DNAH8: variants seen among roughly 807,000 people sequenced by gnomAD.
The protein encoded by DNAH8 is axonemal beta dynein heavy chain 8.
DNAH8 carries 382 observed loss-of-function variants against 562.1 expected under a neutral mutation model. The observed-to-expected ratio is 0.68, with a 90% CI of 0.63 to 0.74. The LOEUF (loss-of-function observed/expected upper bound fraction) is 0.74. Among genes scored for constraint, DNAH8 ranks in the 30% least tolerant of loss-of-function variants. DNAH8 has a pLI of 0.00. For synonymous variants in DNAH8, 1,881 were observed against 1,919.4 expected, an observed-to-expected ratio of 0.98 and a Z score of 0.52; for missense variants, 5,203 against 5,620.4, an observed-to-expected ratio of 0.93 and a Z score of 2.37.
At position 38,938,017 on chromosome 6, in the gene DNAH8, T is replaced by G; in HGVS notation, c.11607T>G (p.Thr3869=). The change falls in exon 78 of 93, where the codon ACT becomes ACG. Residue 3869 remains threonine, a synonymous_variant. Transcript: ENST00000327475. ...AATCTCTCATTGGTGTACTTCGAAC[T>G]ACCAAGCAGACAGCAGCTGAGGTAA... The part of the protein sequence containing the change: ...DDESLIGVLR[T]TKQTAAEVSE... 1 of 1,614,020 alleles carries G rather than the reference T, an allele frequency of 6.2e-7. No individual in the cohort carries two copies. Among genetic ancestry groups the G allele is most frequent in the Non-Finnish European group, 8.5e-7 (1 of 1,179,998 alleles).
At chr6:38,932,215 C>CACACACACACACACACACAT (rs1199457741) in intron 76 of DNAH8, among the ~76,000 whole-genome samples, 7 of 150,580 alleles carry the variant, frequency 4.6e-5, no homozygotes, top group African/African-American at 1.7e-4. Context: ...CACACACACA[C>CACACACACACACACACACAT]ACCCGTCTCT....
intron 79 of DNAH8, among the ~76,000 whole-genome samples, chr6:38,942,091 T>C (rs1323865172): frequency 6.6e-6 from 1 of 152,106 alleles, no homozygotes; most frequent in Non-Finnish European, 1.5e-5. Context: ...TCACCAGACG[T>C]TGAATTCATC....
At chr6:39,012,423 T>A in intron 90 of DNAH8, 25 bp from the exon 91 acceptor site, 1 of 1,609,064 alleles carries the variant, frequency 6.2e-7, no homozygotes, top group East Asian at 2.2e-5. Flanking sequence ...TTCTTATTCA[T>A]GTGTTTTAAC....
chr6:39,019,709 A>C (rs1766779502), intron 91 of DNAH8, among the ~76,000 whole-genome samples: 2 of 152,232 alleles, frequency 1.3e-5, no homozygotes, highest in African/African-American at 4.8e-5. Context: ...GAAGAAGGTC[A>C]TAAAAAATGA....
intron 76 of DNAH8, among the ~76,000 whole-genome samples, chr6:38,932,216 A>ACACACACACACACCCC (rs375631180): frequency 4.1e-5 from 6 of 145,638 alleles, no homozygotes; most frequent in African/African-American, 1.6e-4. Flanking sequence ...ACACACACAC[A>ACACACACACACACCCC]CCCGTCTCTT....
At chr6:39,002,871 C>G (rs1437943573) in intron 88 of DNAH8, among the ~76,000 whole-genome samples, 1 of 152,138 alleles carries the variant, frequency 6.6e-6, no homozygotes, top group East Asian at 1.9e-4. Flanking sequence ...CTGTATCTGA[C>G]TGAAAGTTCT....
At chr6:38,794,253 G>A (rs2127661890) in intron 21 of DNAH8, among the ~76,000 whole-genome samples, 2 of 152,078 alleles carry the variant, frequency 1.3e-5, no homozygotes, top group Middle Eastern at 3.5e-3. Flanking sequence ...AAGCAAGGGT[G>A]GGGATGGGGT....
intron 4 of DNAH8, among the ~76,000 whole-genome samples, chr6:38,733,917 T>TAAAAAG (rs1763861099): frequency 7.6e-6 from 1 of 131,580 alleles, no homozygotes; most frequent in Non-Finnish European, 1.6e-5. Flanking sequence ...AGACTCCATC[T>TAAAAAG]AAAAAGAAAA....
intron 56 of DNAH8, among the ~76,000 whole-genome samples, chr6:38,886,260 G>GA (rs1340793050): frequency 6.6e-6 from 1 of 151,546 alleles, no homozygotes; most frequent in South Asian, 2.1e-4. Context: ...GATGGACCTG[G>GA]AAAAAAAACA....
rs149041507 is a variant in DNAH8 at position 38,730,651 on chromosome 6, C to T, written c.610+665C>T. Among the ~76,000 whole-genome samples the T allele has an allele frequency of 2.6e-5, 4 of 152,272 alleles. No homozygotes were observed. In the East Asian group the frequency reaches 5.8e-4, roughly 22 times the overall value. The stretch of plus-strand genomic sequence containing the variant: ...GTAATCAGATTCTCCCTCTGAAATT[C>T]GTACTGTGTATTCCTGCCAAGTATA... On this transcript the variant is annotated intron_variant, in intron 4 of 92. Transcript: ENST00000327475.
In DNAH8 at chr6:38,875,610, G is replaced by T; in HGVS notation, c.7640G>T (p.Gly2547Val). 6.2e-7 allele frequency: 1 copy of T among 1,607,142 alleles called. No homozygotes were observed. Among genetic ancestry groups the T allele is most frequent in the Non-Finnish European group, 8.5e-7 (1 of 1,174,772 alleles). Residue 2547 changes from glycine to valine, a missense_variant, in exon 53 of 93, where the codon GGG becomes GTG. By Grantham distance (109) the Gly-to-Val change is moderately radical. Around this residue, in one of 6 missense-constraint regions of DNAH8, gnomAD observed 977 missense variants for 1,061.8 expected, o/e 0.92. Coordinates refer to ENST00000327475, the MANE Select transcript of DNAH8 (RefSeq NM_001206927.2). Reference sequence around the variant, plus strand: ...TTTCAGTCTCTCAATCTTCTGGAAGGGTTAATTCCCTCCAAAGAAGAAGGC... The same window carrying T: ...TTTCAGTCTCTCAATCTTCTGGAAGTGTTAATTCCCTCCAAAGAAGAAGGC... ...YIVQSLNLLE[G>V]LIPSKEEGGV...
chr6:38,855,717 G>A lies in DNAH8; in HGVS notation c.5734-1801G>A, dbSNP rs114474475. 7.1e-3 allele frequency among the ~76,000 whole-genome samples: 1,074 copies of A among 152,176 alleles called. 8 individuals carry two copies. The highest frequency in any genetic ancestry group is 0.025 in the African/African-American group (1,024 of 41,516). ...ACTATAGTTATCCTACAGTGGTATA[G>A]AACAAGGGTCCCCAACCACCCCCAC... On this transcript the variant is annotated intron_variant, in intron 41 of 92. Transcript: ENST00000327475.
Position 39,029,711 on chromosome 6 carries a change from G to C in DNAH8, c.13837-394G>C, listed in dbSNP as rs139133546. ...GTTGAGACACAGGTTGGTTGGCCGG[G>C]GGCAGGCTGAGATCCCACCTGACAG... On this transcript the variant is annotated intron_variant, in intron 92 of 92. Transcript: ENST00000327475. 7.9e-3 allele frequency among the ~76,000 whole-genome samples: 1,197 copies of C among 152,228 alleles called. 11 individuals are homozygous for C. The highest frequency in any genetic ancestry group is 0.013 in the Non-Finnish European group (913 of 68,016).
At chr6:38,972,747 T>A (rs2150692517) in intron 83 of DNAH8, among the ~76,000 whole-genome samples, 1 of 152,274 alleles carries the variant, frequency 6.6e-6, no homozygotes, top group South Asian at 2.1e-4. Flanking sequence ...GTTGCCGCCT[T>A]GAGGGACACC....
At chr6:39,028,578 A>G (rs920991127) in intron 92 of DNAH8, among the ~76,000 whole-genome samples, 2 of 152,218 alleles carry the variant, frequency 1.3e-5, no homozygotes, top group Non-Finnish European at 2.9e-5. Flanking sequence ...GTCCTTATCT[A>G]AACAATGTGT....
intron 44 of DNAH8, 73 bp from the exon 45 acceptor site, chr6:38,863,800 C>G: frequency 7.8e-7 from 1 of 1,276,060 alleles, no homozygotes; most frequent in Non-Finnish European, 1.1e-6. Flanking sequence ...TTTGGGAGCA[C>G]TGGAGAAATG....
rs149607918 is a variant in DNAH8, at chr6:38,833,899, A to G, written c.4303-680A>G. Among the ~76,000 whole-genome samples the G allele has an allele frequency of 5.7e-3, 867 of 152,254 alleles. 4 individuals are homozygous for G. Among genetic ancestry groups the G allele is most frequent in the African/African-American group, 0.02 (824 of 41,546 alleles). On this transcript the variant is annotated intron_variant, in intron 31 of 92. Coordinates refer to ENST00000327475, the MANE Select transcript of DNAH8 (RefSeq NM_001206927.2). The stretch of plus-strand genomic sequence containing the variant: ...TATCATATCATGATTGACCATGTTA[A>G]TATACTTAATAGCCTTCATTTTTCC...
intron 61 of DNAH8, among the ~76,000 whole-genome samples, chr6:38,899,462 A>G (rs1032564588): frequency 3.9e-5 from 6 of 152,362 alleles, no homozygotes; most frequent in Admixed American, 3.3e-4. Flanking sequence ...TCCACTATCC[A>G]TTGGGTCTAA....
intron 36 of DNAH8, among the ~76,000 whole-genome samples, chr6:38,846,907 A>G (rs781266376): frequency 2.0e-5 from 3 of 152,174 alleles, no homozygotes; most frequent in Non-Finnish European, 2.9e-5. Context: ...ACAAACTTCT[A>G]GGCCCTGCCA....
Sources: allele counts gnomAD v4.1 joint callset (sites outside exome capture counted in the v4.1 genomes callset), GRCh38; gene constraint gnomAD v4.1.1; regional missense constraint gnomAD v4.1.1; transcripts MANE v1.5; gene names NCBI Gene and HGNC (gene_info 2026-07-23, HGNC 2026-07-21).